Variants in CHRM5 observed in about 807,000 individuals in gnomAD.
CHRM5 encodes the protein muscarinic acetylcholine receptor M5.
In CHRM5, 18 loss-of-function variants were observed where a neutral mutation model predicts 39.0. The ratio of observed to expected loss-of-function variants is 0.46; its 90% CI spans 0.32 to 0.68. The LOEUF is 0.68. CHRM5 is among the 30% of genes least tolerant of loss of function. The pLI is 0.04. For synonymous variants in CHRM5, 241 were observed against 246.3 expected, an observed-to-expected ratio of 0.98 and a Z score of 0.20; for missense variants, 515 against 651.1, an observed-to-expected ratio of 0.79 and a Z score of 2.28.
intron 1 of CHRM5, among the ~76,000 whole-genome samples, chr15:34,002,407 C>A (rs1321366374): frequency 6.6e-6 from 1 of 152,092 alleles, no homozygotes; most frequent in East Asian, 1.9e-4. Flanking sequence ...CAGTAGGGAC[C>A]CTGCAGCCAT....
intron 1 of CHRM5, among the ~76,000 whole-genome samples, chr15:33,992,312 C>A (rs1363493642): frequency 6.6e-5 from 10 of 152,130 alleles, no homozygotes; most frequent in Non-Finnish European, 1.5e-5. Context: ...ATGGCGTCAG[C>A]CCGGGGGGCG....
chr15:33,984,046 A>C (rs8035294), intron 1 of CHRM5, among the ~76,000 whole-genome samples: 44,423 of 151,848 alleles, frequency 0.29, 8,171 homozygotes, highest in African/African-American at 0.51. Context: ...GAAGAGACTA[A>C]GGAAATACAA....
At chr15:34,033,824 T>C (rs1312722714) in intron 1 of CHRM5, among the ~76,000 whole-genome samples, 2 of 152,290 alleles carry the variant, frequency 1.3e-5, no homozygotes, top group Admixed American at 1.3e-4. Flanking sequence ...AGTCTCATTC[T>C]GTCTCCAGGG....
intron 2 of CHRM5, among the ~76,000 whole-genome samples, chr15:34,061,770 T>C (rs1900340988): frequency 6.6e-6 from 1 of 152,118 alleles, no homozygotes. Context: ...CTGGGGCAAA[T>C]GTAAAACCCC....
chr15:33,969,424 GA>G (rs577241045), intron 1 of CHRM5, among the ~76,000 whole-genome samples: 3 of 151,328 alleles, frequency 2.0e-5, no homozygotes, highest in East Asian at 3.9e-4. Context: ...TTAATAGCTT[GA>G]AAAAAATGCA....
Position 34,015,906 on chromosome 15 carries a change from T to G in CHRM5, c.-407-30634T>G, listed in dbSNP as rs553675255. ...TCAACAATTGGAGACAGTACATTCCTGGCTCCTTAGATGCACTCTTAACTT... is the reference window on the plus strand; with the variant it reads ...TCAACAATTGGAGACAGTACATTCCGGGCTCCTTAGATGCACTCTTAACTT... On this transcript the variant is annotated intron_variant, in intron 1 of 2. Transcript: ENST00000383263. Among the ~76,000 whole-genome samples the G allele has an allele frequency of 1.5e-4, 23 of 152,370 alleles. No individual in the cohort carries two copies. The South Asian group carries it at 4.6e-3, about 30-fold the overall frequency.
chr15:33,993,573 T>A (rs913227858), intron 1 of CHRM5, among the ~76,000 whole-genome samples: 1 of 152,204 alleles, frequency 6.6e-6, no homozygotes, highest in Non-Finnish European at 1.5e-5. Context: ...AAATCCACTT[T>A]TAAAGAGTTT....
At chr15:34,007,301 A>T (rs1897399622) in intron 1 of CHRM5, among the ~76,000 whole-genome samples, 1 of 152,042 alleles carries the variant, frequency 6.6e-6, no homozygotes, top group African/African-American at 2.4e-5. Flanking sequence ...AAAATGAAAT[A>T]AAAAAATGAA....
rs2140489376 is a variant in CHRM5, at chr15:33,968,782, C to G, written c.-776C>G. 6.6e-6 allele frequency: 1 copy of G among 152,180 alleles called. No individual in the cohort carries two copies. The highest frequency in any genetic ancestry group is 2.1e-4 in the South Asian group (1 of 4,828). The allele number at this position is 152,180 out of a possible 1,614,324, so 9.4% of individuals were successfully genotyped here. A position where few individuals can be genotyped will look rare whatever the true frequency, so the allele number is the denominator to read the frequency against. ...TGTGTAATTCTGAAATACGAACAAG[C>G]AGAACTTTTCCAGGGGGTCAAATGC... On this transcript the variant is annotated 5_prime_UTR_variant, in exon 1 of 3. Transcript: ENST00000383263.
intron 1 of CHRM5, among the ~76,000 whole-genome samples, chr15:34,028,988 A>G (rs1898631893): frequency 6.6e-6 from 1 of 152,202 alleles, no homozygotes; most frequent in Non-Finnish European, 1.5e-5. Context: ...ATTTGTCTAT[A>G]AATTTATTTA....
At chr15:34,051,039 A>G (rs1254741020) in intron 2 of CHRM5, among the ~76,000 whole-genome samples, 1 of 152,230 alleles carries the variant, frequency 6.6e-6, no homozygotes, top group Admixed American at 6.5e-5. Flanking sequence ...CCAAAACAAC[A>G]GAATAAACAT....
At chr15:33,989,566 A>G (rs926895593) in intron 1 of CHRM5, among the ~76,000 whole-genome samples, 1 of 152,082 alleles carries the variant, frequency 6.6e-6, no homozygotes, top group Non-Finnish European at 1.5e-5. Context: ...CAGGCACACT[A>G]CTGAAAAGAT....
rs75761399 is a variant in CHRM5 at position 33,984,716 on chromosome 15, T to A, written c.-408+15566T>A. Among the ~76,000 whole-genome samples the A allele has an allele frequency of 5.6e-3, 854 of 152,236 alleles. 21 individuals are homozygous for A. The highest frequency in any genetic ancestry group is 0.041 in the Admixed American group (625 of 15,298). ...TGCACCCAGCCTATTCATAGTAGGT[T>A]TCTATATGAGTTGCTTTTCATTGAA... On this transcript the variant is annotated intron_variant, in intron 1 of 2. Coordinates refer to ENST00000383263, the MANE Select transcript of CHRM5 (RefSeq NM_012125.4).
chr15:33,976,900 C>T (rs999460939), intron 1 of CHRM5, among the ~76,000 whole-genome samples: 4 of 152,116 alleles, frequency 2.6e-5, no homozygotes, highest in Admixed American at 6.5e-5. Flanking sequence ...GTCAGCCAGC[C>T]TCCTGTGGTA....
intron 1 of CHRM5, among the ~76,000 whole-genome samples, chr15:34,035,781 A>G (rs538153316): frequency 8.8e-6 from 1 of 113,040 alleles, no homozygotes; most frequent in East Asian, 2.5e-4. Context: ...TAGGGGGATT[A>G]TTTATTCATT....
At chr15:33,989,822 T>C (rs533627553) in intron 1 of CHRM5, among the ~76,000 whole-genome samples, 2 of 151,784 alleles carry the variant, frequency 1.3e-5, no homozygotes, top group Admixed American at 1.3e-4. Flanking sequence ...ATCTTAATTT[T>C]TTTAAGGAGA....
In CHRM5 at chr15:33,968,658, G is replaced by A. The variant is rs1324639588; in HGVS notation, c.-900G>A. 1.3e-5 allele frequency: 2 copies of A among 152,092 alleles called. No individual in the cohort carries two copies. Among genetic ancestry groups the A allele is most frequent in the Admixed American group, 6.6e-5 (1 of 15,254 alleles). 9.4% of individuals were successfully genotyped at this position (152,092 alleles called of 1,614,324 possible). A position where few individuals can be genotyped will look rare whatever the true frequency, so the allele number is the denominator to read the frequency against. ...CATCTTCTACAGAAAGGAAGCTGAT[G>A]GACTGAAAAGTTCGTATGGAGAAAG... On this transcript the variant is annotated 5_prime_UTR_variant, in exon 1 of 3. The change abolishes an upstream ATG in the 5' untranslated region. Transcript: ENST00000383263.
intron 1 of CHRM5, chr15:34,002,896 T>C (rs537002415): frequency 2.8e-5 from 23 of 827,350 alleles, no homozygotes; most frequent in African/African-American, 5.2e-5. Context: ...TTAGAAACAC[T>C]GTCCTTTACT....
At chr15:34,007,729 C>G (rs542543916) in intron 1 of CHRM5, among the ~76,000 whole-genome samples, 1 of 152,312 alleles carries the variant, frequency 6.6e-6, no homozygotes, top group East Asian at 1.9e-4. Flanking sequence ...TGGCTTAAAA[C>G]CACAGAAATG....
Sources: allele counts gnomAD v4.1 joint callset (sites outside exome capture counted in the v4.1 genomes callset), GRCh38; gene constraint gnomAD v4.1.1; transcripts MANE v1.5; gene names NCBI Gene and HGNC (gene_info 2026-07-23, HGNC 2026-07-21).